The following SHLD2 variants were observed in gnomAD, a reference collection of about 807,000 sequenced individuals.
The protein encoded by SHLD2 is shieldin complex subunit 2.
A neutral mutation model predicts 73.2 loss-of-function variants in SHLD2; 30 were observed. The ratio of observed to expected loss-of-function variants is 0.41; its 90% CI spans 0.31 to 0.56. The LOEUF (loss-of-function observed/expected upper bound fraction) is 0.56. Ranked by LOEUF, SHLD2 falls within the 20% of genes least tolerant of loss-of-function variation. The pLI is 0.28. For missense variants in SHLD2, 745 were observed against 1,055.9 expected (o/e 0.71, Z 4.08); for synonymous variants, 285 against 370.1 (o/e 0.77, Z 2.64).
intron 6 of SHLD2, among the ~76,000 whole-genome samples, chr10:87,173,754 G>GA (rs1479224746): frequency 2.0e-5 from 3 of 151,010 alleles, no homozygotes; most frequent in Admixed American, 6.6e-5. Flanking sequence ...AAAAAAAACA[G>GA]AAAAAAAATT....
chr10:87,098,191 CTG>C (rs1564572937), intron 2 of SHLD2, among the ~76,000 whole-genome samples: 1 of 152,108 alleles, frequency 6.6e-6, no homozygotes, highest in Non-Finnish European at 1.5e-5. Flanking sequence ...TCTTTTCACA[CTG>C]TAGGTATTAT....
Position 87,151,844 on chromosome 10 carries a change from A to G in SHLD2, c.490A>G (p.Asn164Asp). The G allele has an allele frequency of 6.2e-7, 1 of 1,611,744 alleles. No individual in the cohort carries two copies. Among genetic ancestry groups the G allele is most frequent in the African/African-American group, 1.3e-5 (1 of 74,970 alleles). Reference sequence around the variant, plus strand: ...GCCAGATATATGTGGTAAGAACTTTAACACAAATTTGTTTCAGTTGGGCCA... The same window carrying G: ...GCCAGATATATGTGGTAAGAACTTTGACACAAATTTGTTTCAGTTGGGCCA... Reference protein sequence around the residue: ...HQPDICGKNFNTNLFQLGHKC... With the variant: ...HQPDICGKNFDTNLFQLGHKC... Residue 164 changes from asparagine (N) to aspartate (D), a missense_variant, in exon 3 of 10, where the codon AAC (asparagine) becomes GAC (aspartate). By Grantham distance (23) the Asn-to-Asp change is conservative. Transcript: ENST00000298786.
intron 2 of SHLD2, among the ~76,000 whole-genome samples, chr10:87,123,968 T>C (rs1373167815): frequency 6.6e-6 from 1 of 152,190 alleles, no homozygotes; most frequent in East Asian, 1.9e-4. Flanking sequence ...GAAAACATTA[T>C]TGAATCTAAA....
intron 7 of SHLD2, among the ~76,000 whole-genome samples, chr10:87,178,402 A>G (rs1372166057): frequency 6.6e-6 from 1 of 151,864 alleles, no homozygotes; most frequent in African/African-American, 2.4e-5. Context: ...TGAAATAAAA[A>G]TCGAAATTTT....
intron 3 of SHLD2, among the ~76,000 whole-genome samples, chr10:87,156,067 CT>C (rs1223191446): frequency 2.0e-3 from 270 of 134,918 alleles, no homozygotes; most frequent in East Asian, 0.012. Context: ...AGAAATCTTC[CT>C]TTTTTTTTTT....
chr10:87,147,035 G>A (rs1845658205), intron 2 of SHLD2, among the ~76,000 whole-genome samples: 1 of 115,190 alleles, frequency 8.7e-6, no homozygotes, highest in East Asian at 2.4e-4. Flanking sequence ...CAGCCTGGGT[G>A]ACAAAAGCGA....
Position 87,116,333 on chromosome 10 carries a change from A to G in SHLD2, c.-6+19344A>G, listed in dbSNP as rs532774175. 7.6e-3 allele frequency among the ~76,000 whole-genome samples: 1,156 copies of G among 151,380 alleles called. 16 individuals are homozygous for G. Among genetic ancestry groups the G allele is most frequent in the African/African-American group, 0.027 (1,112 of 41,168 alleles). On this transcript the variant is annotated intron_variant, in intron 2 of 9. Transcript: ENST00000298786. ...ATGAGAGAGACTTCAGCATGTTTAT[A>G]TGCTAAATGGAAAAAGGAAAAAGGA...
In SHLD2 at chr10:87,158,065, G is replaced by A. The variant is rs1308965233; in HGVS notation, c.1543G>A (p.Asp515Asn). 1 of 1,611,338 alleles carries A rather than the reference G, an allele frequency of 6.2e-7. No individual in the cohort carries two copies. The highest frequency in any genetic ancestry group is 1.7e-5 in the Admixed American group (1 of 59,974). The change falls in exon 4 of 10, where the codon GAC becomes AAC. Residue 515 changes from aspartate to asparagine, a missense_variant. Physicochemically the swap from Asp to Asn is conservative, Grantham distance 23 (BLOSUM62 1). Around this residue, in one of 5 missense-constraint regions of SHLD2, gnomAD observed 418 missense variants for 567.8 expected, o/e 0.74. Transcript: ENST00000298786. ...ILLTDVVIHE[D>N]QWIGETVLQS... ...CTCTCTAGATGTTGTTATTCATGAG[G>A]ACCAATGGATTGGCGAGACAGTACT...
At chr10:87,106,486 T>C (rs969365342) in intron 2 of SHLD2, among the ~76,000 whole-genome samples, 1 of 152,250 alleles carries the variant, frequency 6.6e-6, no homozygotes, top group Non-Finnish European at 1.5e-5. Context: ...TTGTATACAG[T>C]AAACAGTCTT....
chr10:87,180,092 G>A lies in SHLD2; in HGVS notation c.2188G>A (p.Ala730Thr), dbSNP rs542979117. 1.1e-5 allele frequency: 18 copies of A among 1,613,816 alleles called. No homozygotes were observed. The South Asian group carries it at 2.0e-4, about 18-fold the overall frequency. Residue 730 changes from alanine (A) to threonine (T), a missense_variant, in exon 8 of 10, where the codon GCC (alanine) becomes ACC (threonine). Ala to Thr is a moderately conservative substitution (Grantham distance 58, BLOSUM62 0). Transcript: ENST00000298786. The part of the protein sequence containing the change: ...DKCSGVVLIK[A>T]QISELAFPIT... ...GTTTGTAGGAGTGGTTCTGATTAAA[G>A]CCCAGATTTCAGAGCTGGCATTTCC...
chr10:87,149,089 T>C (rs186555946), intron 2 of SHLD2, among the ~76,000 whole-genome samples: 78 of 151,874 alleles, frequency 5.1e-4, no homozygotes, highest in African/African-American at 1.9e-3. Flanking sequence ...AGTTTCGCCA[T>C]GTTGGCCAGG....
intron 2 of SHLD2, among the ~76,000 whole-genome samples, chr10:87,142,889 T>C (rs2134240823): frequency 6.6e-6 from 1 of 150,568 alleles, no homozygotes. Flanking sequence ...AGTTCATGAT[T>C]ACTAGTCTTA....
chr10:87,138,707 A>G lies in SHLD2; in HGVS notation c.-5-12643A>G, dbSNP rs188763487. Among the ~76,000 whole-genome samples the G allele has an allele frequency of 4.8e-3, 737 of 152,368 alleles. 4 individuals carry two copies. Among genetic ancestry groups the G allele is most frequent in the South Asian group, 0.014 (69 of 4,822 alleles). ...AAAAACACAAACAGGGATACCATAA[A>G]GTCAGTACATCTGCCTAAGAGGGAT... On this transcript the variant is annotated intron_variant, in intron 2 of 9. Coordinates refer to ENST00000298786, the MANE Select transcript of SHLD2 (RefSeq NM_001330112.2).
chr10:87,134,386 C>T (rs905778108), intron 2 of SHLD2, among the ~76,000 whole-genome samples: 5 of 152,084 alleles, frequency 3.3e-5, no homozygotes, highest in Non-Finnish European at 7.4e-5. Context: ...TAGGAATCCA[C>T]CATAGATGAG....
At chr10:87,096,404 C>G (rs1166349320) in intron 1 of SHLD2, among the ~76,000 whole-genome samples, 1 of 151,558 alleles carries the variant, frequency 6.6e-6, no homozygotes, top group East Asian at 2.0e-4. Context: ...TTTATACATA[C>G]TTGATAGGAA....
intron 9 of SHLD2, among the ~76,000 whole-genome samples, chr10:87,188,566 C>A (rs1267865567): frequency 6.6e-6 from 1 of 152,172 alleles, no homozygotes; most frequent in African/African-American, 2.4e-5. Context: ...TGTGGAAGAG[C>A]CTGTGAGGAT....
intron 2 of SHLD2, among the ~76,000 whole-genome samples, chr10:87,129,714 A>G (rs1310075711): frequency 6.6e-6 from 1 of 151,770 alleles, no homozygotes; most frequent in Non-Finnish European, 1.5e-5. Context: ...TTGATTGCTC[A>G]GGCTCAAGCG....
intron 2 of SHLD2, among the ~76,000 whole-genome samples, chr10:87,148,795 AAG>A (rs976254459): frequency 2.2e-4 from 33 of 152,260 alleles, no homozygotes; most frequent in African/African-American, 7.7e-4. Flanking sequence ...ACCATTGGAG[AAG>A]AAAGCCAAAG....
intron 2 of SHLD2, among the ~76,000 whole-genome samples, chr10:87,102,539 C>A (rs929968864): frequency 3.9e-5 from 6 of 151,990 alleles, no homozygotes; most frequent in Admixed American, 6.6e-5. Context: ...GAAACCCTGT[C>A]TCTACTAAAA....
Sources: gnomAD v4.1 joint callset for allele counts (sites outside exome capture counted in the v4.1 genomes callset) on GRCh38, gnomAD v4.1.1 for gene constraint, gnomAD v4.1.1 regional missense constraint, MANE v1.5 for transcripts, NCBI Gene and HGNC (gene_info 2026-07-23, HGNC 2026-07-21) for gene names.